ANKRD36B: variants seen among roughly 807,000 people sequenced by gnomAD.
The protein encoded by ANKRD36B is ankyrin repeat domain-containing protein 36B.
A neutral mutation model predicts 135.7 loss-of-function variants in ANKRD36B; 37 were observed. That is an observed-to-expected ratio of 0.27 (90% CI 0.21 to 0.36). The LOEUF is 0.36. ANKRD36B is among the 10% of genes least tolerant of loss of function. The probability of loss-of-function intolerance (pLI) is 1.00; values close to 1 mark genes in which losing one functional copy is unlikely to be tolerated. For synonymous variants in ANKRD36B, 179 were observed against 348.1 expected (o/e 0.51, Z 5.41); for missense variants, 549 against 1,037.1 (o/e 0.53, Z 6.46).
In ANKRD36B at chr2:97,589,818, A is replaced by G. The variant is rs1453185772; in HGVS notation, c.-133T>C. On this transcript the variant is annotated 5_prime_UTR_variant, in exon 1 of 44. Transcript: ENST00000359901. ...CAACAACAGGCAAAGCAGTCTGTGCACGGACCTCCGCGCAGACTCTCAGCG... is the reference window on the plus strand; with the variant it reads ...CAACAACAGGCAAAGCAGTCTGTGCGCGGACCTCCGCGCAGACTCTCAGCG... 15 of 1,344,762 alleles carry G rather than the reference A, an allele frequency of 1.1e-5. No homozygotes were observed. Among genetic ancestry groups the G allele is most frequent in the South Asian group, 6.3e-5 (5 of 79,162 alleles). The allele number at this position is 1,344,762 out of a possible 1,614,324, so 83.3% of individuals were successfully genotyped here. A position where few individuals can be genotyped will look rare whatever the true frequency, so the allele number is the denominator to read the frequency against.
In ANKRD36B at chr2:97,537,959, A is replaced by T. The variant is rs531233129; in HGVS notation, c.2089+209T>A. ...CCAACGGTTCTTCTACACAATTTCA[A>T]TGTAGGGAAGTCTATAAGCTTGTTA... On this transcript the variant is annotated intron_variant, in intron 32 of 43. Transcript: ENST00000359901. 9.4e-5 allele frequency among the ~76,000 whole-genome samples: 9 copies of T among 95,804 alleles called. 3 individuals carry two copies. The East Asian group carries it at 2.1e-3, about 22-fold the overall frequency. 62.9% of individuals were successfully genotyped at this position (95,804 alleles called of 152,430 possible).
Position 97,551,759 on chromosome 2 carries a change from G to A in ANKRD36B, c.1274-279C>T, listed in dbSNP as rs556657078. On this transcript the variant is annotated intron_variant, in intron 16 of 43. Transcript: ENST00000359901. ...TTGTCAACATCAATGTCCATATGCC[G>A]AGTGATGAGGACAAATGTGATCTAA... Among the ~76,000 whole-genome samples, 366 of 152,004 alleles carry A rather than the reference G, an allele frequency of 2.4e-3. 3 individuals are homozygous for A. The highest frequency in any genetic ancestry group is 8.0e-3 in the African/African-American group (333 of 41,506).
chr2:97,557,000 T>A lies in ANKRD36B; in HGVS notation c.1006A>T (p.Lys336Ter), dbSNP rs2080589448. The A allele has an allele frequency of 1.5e-5, 24 of 1,565,930 alleles. No individual in the cohort carries two copies. Among genetic ancestry groups the A allele is most frequent in the Non-Finnish European group, 2.1e-5 (24 of 1,155,604 alleles). Residue 336 changes from lysine to a stop codon, truncating the protein, a stop_gained, in exon 12 of 44, where the codon AAA becomes TAA. Coordinates refer to ENST00000359901, the MANE Select transcript of ANKRD36B (RefSeq NM_001393939.1). LOFTEE classifies it high-confidence loss of function. ...ATATTCAAAAGAGAAACTTTCTTTT[T>A]AAATATAACCTGAATGGAAAGAGAA... is the stretch of plus-strand genomic sequence containing the variant. ...QKQSAQKVIFKKKVSLLNIAT... is the reference protein window; with the variant it reads ...QKQSAQKVIF
At chr2:97,543,625 AC>A (rs2079268007) in intron 26 of ANKRD36B, among the ~76,000 whole-genome samples, 164 bp downstream of exon 26, 1 of 91,056 alleles carries the variant, frequency 1.1e-5, no homozygotes, top group Admixed American at 1.0e-4. Context: ...CATGTCCAAG[AC>A]CAGCAGCATC....
intron 6 of ANKRD36B, among the ~76,000 whole-genome samples, chr2:97,567,572 T>C (rs968624706): frequency 6.6e-6 from 1 of 152,116 alleles, no homozygotes; most frequent in Non-Finnish European, 1.5e-5. Context: ...AGACCAAATA[T>C]ATATTTCATA....
Position 97,561,913 on chromosome 2 carries a change from A to G in ANKRD36B, c.764-1053T>C, listed in dbSNP as rs535075938. Among the ~76,000 whole-genome samples, 6 of 152,082 alleles carry G rather than the reference A, an allele frequency of 3.9e-5. No homozygotes were observed. In the South Asian group the frequency reaches 1.0e-3, roughly 26 times the overall value. ...AGTCACTGTGGCTTATCCCAATTCTATCACTCTTTCCTGCTTCCAGTAGTT... is the reference window on the plus strand; with the variant it reads ...AGTCACTGTGGCTTATCCCAATTCTGTCACTCTTTCCTGCTTCCAGTAGTT... On this transcript the variant is annotated intron_variant, in intron 6 of 43. Transcript: ENST00000359901.
chr2:97,558,484 ATC>A (rs2080728125), intron 10 of ANKRD36B, among the ~76,000 whole-genome samples: 1 of 151,866 alleles, frequency 6.6e-6, no homozygotes. Flanking sequence ...TCTATACTTC[ATC>A]TCTTTCTCCT....
chr2:97,551,153 A>T (rs1242829355), intron 18 of ANKRD36B, 136 bp downstream of exon 18: 1 of 1,249,766 alleles, frequency 8.0e-7, no homozygotes, highest in Non-Finnish European at 1.1e-6. Flanking sequence ...ATAACCCAAG[A>T]ACTTATTAGA....
At chr2:97,551,173 T>A in intron 18 of ANKRD36B, 116 bp downstream of exon 18, 2 of 1,374,806 alleles carry the variant, frequency 1.5e-6, no homozygotes, top group Non-Finnish European at 2.0e-6. Context: ...AAATGAAGAA[T>A]CTCAGGCCTG....
chr2:97,516,215 CAT>C (rs1323331517), intron 36 of ANKRD36B, among the ~76,000 whole-genome samples: 1 of 45,146 alleles, frequency 2.2e-5, no homozygotes, highest in East Asian at 4.1e-4. Context: ...AAAAAAAAAA[CAT>C]AGTTATGTGA....
At chr2:97,531,136 G>A (rs561460954) in intron 35 of ANKRD36B, among the ~76,000 whole-genome samples, 2,033 of 91,602 alleles carry the variant, frequency 0.022, 508 homozygotes, top group African/African-American at 0.063. Flanking sequence ...ATTCACAATA[G>A]CAAAGACTTG....
At chr2:97,562,550 T>C (rs993398369) in intron 6 of ANKRD36B, among the ~76,000 whole-genome samples, 6 of 152,164 alleles carry the variant, frequency 3.9e-5, no homozygotes, top group Middle Eastern at 3.4e-3. Context: ...TTCCATTAAG[T>C]GACTTCCCAC....
At position 97,556,918 on chromosome 2, in the gene ANKRD36B, A is replaced by G. The variant is rs1230294280; in HGVS notation, c.1069+19T>C. The G allele has an allele frequency of 4.4e-6, 7 of 1,574,302 alleles. No homozygotes were observed. Among genetic ancestry groups the G allele is most frequent in the Non-Finnish European group, 6.0e-6 (7 of 1,159,700 alleles). ...CTGTCTTGAGTGCACATGACATTAA[A>G]TGTGTATTGCCAAATTACCTGTTCC... is the stretch of plus-strand genomic sequence containing the variant. On this transcript the variant is annotated intron_variant, in intron 12 of 43. Transcript: ENST00000359901.
rs1367932467 is a variant in ANKRD36B at position 97,544,479 on chromosome 2, C to T, written c.1682-494G>A. Among the ~76,000 whole-genome samples the T allele has an allele frequency of 3.2e-5, 3 of 95,060 alleles. 1 individual carries two copies. Among genetic ancestry groups the T allele is most frequent in the Non-Finnish European group, 8.4e-5 (3 of 35,534 alleles). The allele number at this position is 95,060 out of a possible 152,430, so 62.4% of individuals were successfully genotyped here. ...ACACTTCAGTTGAACGTACACTTCA[C>T]GTCTCTTCAGTGGAAGTGTCCTAAA... On this transcript the variant is annotated intron_variant, in intron 24 of 43. Coordinates refer to ENST00000359901, the MANE Select transcript of ANKRD36B (RefSeq NM_001393939.1).
At chr2:97,560,002 A>G (rs2080877344) in intron 8 of ANKRD36B, among the ~76,000 whole-genome samples, 1 of 151,944 alleles carries the variant, frequency 6.6e-6, no homozygotes, top group Non-Finnish European at 1.5e-5. Flanking sequence ...AGTAACAAAG[A>G]GGAGTAATGA....
chr2:97,551,547 C>A, intron 16 of ANKRD36B, 67 bp from the exon 17 acceptor site: 13 of 1,600,188 alleles, frequency 8.1e-6, no homozygotes, highest in South Asian at 2.2e-5. Context: ...TACATTCATG[C>A]AGTGTTTGTA....
intron 3 of ANKRD36B, among the ~76,000 whole-genome samples, 181 bp from the exon 4 acceptor site, chr2:97,580,749 C>G (rs2082582820): frequency 8.0e-6 from 1 of 124,896 alleles, no homozygotes; most frequent in Non-Finnish European, 1.6e-5. Context: ...GAAACAACCT[C>G]CTCTGCCTCA....
intron 35 of ANKRD36B, among the ~76,000 whole-genome samples, chr2:97,531,808 G>A: frequency 1.0e-5 from 1 of 95,946 alleles, no homozygotes; most frequent in Non-Finnish European, 2.8e-5. Context: ...TAGCCAGTTG[G>A]GTTGATTTTA....
In ANKRD36B at chr2:97,555,096, C is replaced by A. The variant is rs1487054206; in HGVS notation, c.1135G>T (p.Ala379Ser). Residue 379 changes from alanine (A) to serine (S), a missense_variant, in exon 14 of 44, where the codon GCT becomes TCT. Ala to Ser is a moderately conservative substitution (Grantham distance 99). Coordinates refer to ENST00000359901, the MANE Select transcript of ANKRD36B (RefSeq NM_001393939.1). Reference sequence around the variant, plus strand: ...TGTAGTCCATCCTTTATTTCTGTAGCTGTATTCAAAGCAGAATCTGTCTTG... The same window carrying A: ...TGTAGTCCATCCTTTATTTCTGTAGATGTATTCAAAGCAGAATCTGTCTTG... ...SDKTDSALNT[A>S]TEIKDGLQCG... 6.2e-7 allele frequency: 1 copy of A among 1,611,756 alleles called. No individual in the cohort carries two copies. The highest frequency in any genetic ancestry group is 8.5e-7 in the Non-Finnish European group (1 of 1,178,694).
Sources: allele counts gnomAD v4.1 joint callset (sites outside exome capture counted in the v4.1 genomes callset), GRCh38; gene constraint gnomAD v4.1.1; transcripts MANE v1.5; gene names NCBI Gene and HGNC (gene_info 2026-07-23, HGNC 2026-07-21).